The following C12orf54 variants were observed in gnomAD, a reference collection of about 807,000 sequenced individuals.
C12orf54 encodes the protein chromosome 12 open reading frame 54.
Under a neutral mutation model 26.4 loss-of-function variants are expected in C12orf54, and 24 were observed. The observed-to-expected ratio is 0.91, with a 90% CI of 0.66 to 1.28. C12orf54 has a LOEUF of 1.28. Ranked by LOEUF, C12orf54 falls within the 50% of genes most tolerant of loss-of-function variation. C12orf54 has a pLI of 0.00. For synonymous variants in C12orf54, 54 were observed against 47.0 expected (o/e 1.15, Z -0.61); for missense variants, 154 against 150.9 (o/e 1.02, Z -0.11).
At chr12:48,451,300 A>G in the C12orf54 span, among the ~76,000 whole-genome samples, 1 of 152,018 alleles carries the variant, frequency 6.6e-6, no homozygotes, top group African/African-American at 2.4e-5. Flanking sequence ...TATTAAAAAA[A>G]AAAACTTCTC....
chr12:48,436,288 A>G, the C12orf54 span, among the ~76,000 whole-genome samples: 9 of 152,232 alleles, frequency 5.9e-5, no homozygotes, highest in Non-Finnish European at 1.3e-4. Flanking sequence ...AAACAGACTT[A>G]GACTCCCACA....
At chr12:48,417,750 G>A in the C12orf54 span, among the ~76,000 whole-genome samples, 1 of 151,980 alleles carries the variant, frequency 6.6e-6, no homozygotes, top group Non-Finnish European at 1.5e-5. Context: ...TCTCCCTCTA[G>A]TAGTCCCCAG....
chr12:48,437,259 A>G, the C12orf54 span, among the ~76,000 whole-genome samples: 12 of 152,194 alleles, frequency 7.9e-5, no homozygotes, highest in Admixed American at 7.9e-4. Context: ...GCAATAATTA[A>G]TAGCTTACCA....
upstream of C12orf54, among the ~76,000 whole-genome samples, chr12:48,478,842 C>A (rs1954171015): frequency 6.6e-6 from 1 of 152,140 alleles, no homozygotes; most frequent in African/African-American, 2.4e-5. Context: ...GTTAGAATGG[C>A]AATCATTAAA....
the C12orf54 span, among the ~76,000 whole-genome samples, chr12:48,475,154 T>C: frequency 6.6e-6 from 1 of 152,128 alleles, no homozygotes; most frequent in Non-Finnish European, 1.5e-5. Context: ...AGTGCACCTC[T>C]AGCAAACTCC....
chr12:48,459,991 A>G, the C12orf54 span, among the ~76,000 whole-genome samples: 3 of 151,956 alleles, frequency 2.0e-5, no homozygotes, highest in Non-Finnish European at 4.4e-5. Context: ...GGCATTCACC[A>G]TAAAGATAAT....
the C12orf54 span, among the ~76,000 whole-genome samples, chr12:48,463,940 A>T: frequency 6.6e-6 from 1 of 152,144 alleles, no homozygotes; most frequent in Admixed American, 6.5e-5. Flanking sequence ...CCTCAAAATA[A>T]TAAGAGCCAT....
chr12:48,494,704 A>G (rs1937871656), intron 7 of C12orf54, 94 bp from the exon 8 acceptor site: 2 of 1,338,008 alleles, frequency 1.5e-6, no homozygotes, highest in Admixed American at 2.0e-5. Context: ...GGAGTGTAAT[A>G]ATAGAATCTC....
chr12:48,432,720 T>G, the C12orf54 span, among the ~76,000 whole-genome samples: 1 of 151,938 alleles, frequency 6.6e-6, no homozygotes, highest in Non-Finnish European at 1.5e-5. Flanking sequence ...AAGTACAAAA[T>G]TAGCCAGGCG....
At chr12:48,484,341 C>G (rs925936379) in intron 2 of C12orf54, among the ~76,000 whole-genome samples, 1 of 152,174 alleles carries the variant, frequency 6.6e-6, no homozygotes, top group Non-Finnish European at 1.5e-5. Flanking sequence ...GGAATCTGCT[C>G]TATCTAAGAG....
the C12orf54 span, among the ~76,000 whole-genome samples, chr12:48,415,492 C>G: frequency 6.6e-6 from 1 of 152,164 alleles, no homozygotes; most frequent in Non-Finnish European, 1.5e-5. Flanking sequence ...TTCAATGGCA[C>G]TCAACACAGC....
the C12orf54 span, among the ~76,000 whole-genome samples, chr12:48,420,697 C>T: frequency 2.0e-5 from 3 of 152,064 alleles, no homozygotes; most frequent in Non-Finnish European, 2.9e-5. Flanking sequence ...ATGTGGTGGA[C>T]GTACTCCATT....
chr12:48,493,835 T>C (rs1366990714), intron 7 of C12orf54, among the ~76,000 whole-genome samples: 1 of 151,700 alleles, frequency 6.6e-6, no homozygotes, highest in Non-Finnish European at 1.5e-5. Context: ...GAAAGACTTT[T>C]CAATAGTGCA....
upstream of C12orf54, among the ~76,000 whole-genome samples, chr12:48,478,476 C>A (rs980747791): frequency 6.6e-6 from 1 of 152,176 alleles, no homozygotes; most frequent in Non-Finnish European, 1.5e-5. Context: ...TTGCAGATGA[C>A]ATGTTTGTAT....
chr12:48,469,658 T>C, the C12orf54 span, among the ~76,000 whole-genome samples: 6 of 152,194 alleles, frequency 3.9e-5, no homozygotes, highest in Non-Finnish European at 2.9e-5. Flanking sequence ...AGAGTATTGA[T>C]TGGGGAAGTG....
the C12orf54 span, among the ~76,000 whole-genome samples, chr12:48,426,570 C>A: frequency 1.3e-5 from 2 of 152,008 alleles, no homozygotes; most frequent in Non-Finnish European, 2.9e-5. Flanking sequence ...TGTTTGGGCT[C>A]ATTTTGGTTC....
At chr12:48,423,732 A>G in the C12orf54 span, among the ~76,000 whole-genome samples, 283 of 152,192 alleles carry the variant, frequency 1.9e-3, 2 homozygotes, top group African/African-American at 6.6e-3. Flanking sequence ...ACTCTGCTAA[A>G]CTGACTAGTT....
At chr12:48,473,546 G>T in the C12orf54 span, 1 of 354,388 alleles carries the variant, frequency 2.8e-6, no homozygotes, top group Non-Finnish European at 5.5e-6. Flanking sequence ...AGCAAGAGAG[G>T]AAAAGTGTAC....
the C12orf54 span, among the ~76,000 whole-genome samples, chr12:48,454,115 T>TTTG: frequency 9.5e-6 from 1 of 105,750 alleles, no homozygotes; most frequent in Non-Finnish European, 1.8e-5. Context: ...TTTTTTTTTT[T>TTTG]TGAGACGGAG....
Sources: allele counts gnomAD v4.1 joint callset (sites outside exome capture counted in the v4.1 genomes callset), GRCh38; gene constraint gnomAD v4.1.1; transcripts MANE v1.5; gene names NCBI Gene and HGNC (gene_info 2026-07-23, HGNC 2026-07-21).